Variants in RIMS2 observed in about 807,000 individuals in gnomAD.
The protein encoded by RIMS2 is regulating synaptic membrane exocytosis 2, also known as regulating synaptic membrane exocytosis protein 2.
Under a neutral mutation model 174.4 loss-of-function variants are expected in RIMS2, and 59 were observed. The ratio of observed to expected loss-of-function variants is 0.34; its 90% CI spans 0.27 to 0.42. RIMS2 has a LOEUF of 0.42. RIMS2 is among the 10% of genes least tolerant of loss of function. RIMS2 has a pLI of 1.00. For missense variants in RIMS2, 1,620 were observed against 1,666.3 expected (o/e 0.97, Z 0.48); for synonymous variants, 606 against 572.5 (o/e 1.06, Z -0.84).
At chr8:103,503,701 G>C (rs931655417) in intron 1 of RIMS2, among the ~76,000 whole-genome samples, 3 of 151,972 alleles carry the variant, frequency 2.0e-5, no homozygotes, top group African/African-American at 7.2e-5. Context: ...TGCATGATCT[G>C]TGAGTTTCAA....
intron 1 of RIMS2, among the ~76,000 whole-genome samples, chr8:103,691,698 AGTTT>A (rs1246975618): frequency 6.6e-6 from 1 of 151,972 alleles, no homozygotes; most frequent in African/African-American, 2.4e-5. Flanking sequence ...TGCCTTACTT[AGTTT>A]GTTTGGTGTG....
chr8:104,136,526 A>T (rs563560063), intron 19 of RIMS2, among the ~76,000 whole-genome samples: 1 of 152,344 alleles, frequency 6.6e-6, no homozygotes, highest in South Asian at 2.1e-4. Context: ...ATAATAAATC[A>T]GTCTCTTCAT....
At chr8:104,202,889 T>C (rs948220488) in intron 19 of RIMS2, among the ~76,000 whole-genome samples, 10 of 152,158 alleles carry the variant, frequency 6.6e-5, no homozygotes, top group African/African-American at 2.4e-4. Flanking sequence ...TCCAGTTAAG[T>C]AGGAATAAGT....
chr8:104,218,533 A>G (rs942981810), intron 19 of RIMS2, among the ~76,000 whole-genome samples: 1 of 152,122 alleles, frequency 6.6e-6, no homozygotes, highest in Non-Finnish European at 1.5e-5. Context: ...TTATTATTAC[A>G]TTGTTGTATA....
At chr8:103,754,017 T>A (rs2097936975) in intron 2 of RIMS2, among the ~76,000 whole-genome samples, 1 of 152,340 alleles carries the variant, frequency 6.6e-6, no homozygotes, top group African/African-American at 2.4e-5. Context: ...TTAATTGTGA[T>A]GTTAGGGTGT....
chr8:103,778,876 G>A (rs1177923399), intron 3 of RIMS2, among the ~76,000 whole-genome samples: 2 of 152,056 alleles, frequency 1.3e-5, no homozygotes, highest in Non-Finnish European at 2.9e-5. Context: ...CCAAGTGTAT[G>A]AGAGTTCTCC....
intron 3 of RIMS2, among the ~76,000 whole-genome samples, chr8:103,864,778 G>A (rs1167224333): frequency 6.6e-6 from 1 of 152,060 alleles, no homozygotes; most frequent in African/African-American, 2.4e-5. Context: ...AACAGTCATA[G>A]AGTTAGAGCA....
chr8:104,054,936 C>T (rs62528381), intron 19 of RIMS2, among the ~76,000 whole-genome samples: 27,465 of 151,940 alleles, frequency 0.18, 2,780 homozygotes, highest in South Asian at 0.35. Flanking sequence ...TAATACTTTT[C>T]ATTTAGTAAT....
At chr8:103,547,205 T>A (rs192523540) in intron 1 of RIMS2, among the ~76,000 whole-genome samples, 1 of 152,284 alleles carries the variant, frequency 6.6e-6, no homozygotes, top group Non-Finnish European at 1.5e-5. Context: ...AAAGAAAAAG[T>A]GAGAAGAACA....
intron 3 of RIMS2, among the ~76,000 whole-genome samples, chr8:103,883,848 G>A (rs2099184012): frequency 6.6e-6 from 1 of 151,820 alleles, no homozygotes; most frequent in South Asian, 2.1e-4. Flanking sequence ...CCCTGATGCT[G>A]TAGGTGGTAC....
chr8:104,010,941 T>C (rs1259470649), intron 17 of RIMS2, among the ~76,000 whole-genome samples: 1 of 152,178 alleles, frequency 6.6e-6, no homozygotes, highest in South Asian at 2.1e-4. Flanking sequence ...AAGTGGGCCC[T>C]AAAATATTTT....
chr8:103,967,777 T>C (rs185251037), intron 15 of RIMS2, among the ~76,000 whole-genome samples: 3 of 152,160 alleles, frequency 2.0e-5, no homozygotes, highest in Admixed American at 2.0e-4. Flanking sequence ...CTTTATAGAA[T>C]GTCCTTCTTT....
At chr8:103,774,302 T>C (rs987999542) in intron 3 of RIMS2, among the ~76,000 whole-genome samples, 1 of 152,180 alleles carries the variant, frequency 6.6e-6, no homozygotes, top group Non-Finnish European at 1.5e-5. Context: ...ACTTTCCCAA[T>C]GACACAGCAG....
intron 19 of RIMS2, among the ~76,000 whole-genome samples, chr8:104,169,494 A>G (rs2098819641): frequency 6.6e-6 from 1 of 151,450 alleles, no homozygotes; most frequent in Admixed American, 6.6e-5. Context: ...AGCCTTCAGT[A>G]ATCTTTAGTA....
intron 1 of RIMS2, among the ~76,000 whole-genome samples, chr8:103,508,012 A>G (rs1245002141): frequency 6.6e-6 from 1 of 152,158 alleles, no homozygotes; most frequent in Admixed American, 6.5e-5. Context: ...TGTCAGACTA[A>G]TCTTACTAGT....
intron 2 of RIMS2, among the ~76,000 whole-genome samples, chr8:103,751,216 G>A (rs1190627958): frequency 1.3e-5 from 2 of 152,082 alleles, no homozygotes; most frequent in Non-Finnish European, 2.9e-5. Context: ...TTGTCCTTGC[G>A]ATAGTTTACT....
chr8:104,254,921 C>A (rs1412762179), downstream of RIMS2: 2 of 152,188 alleles, frequency 1.3e-5, no homozygotes, highest in Non-Finnish European at 1.5e-5. Context: ...ATGTAACAAC[C>A]TGTCCGGAGA....
At chr8:104,227,894 T>G (rs568289595) in intron 19 of RIMS2, among the ~76,000 whole-genome samples, 1 of 152,104 alleles carries the variant, frequency 6.6e-6, no homozygotes, top group South Asian at 2.1e-4. Context: ...AGCTTTAAAA[T>G]CACCAGAAAA....
At chr8:103,726,647 A>C (rs2138675200) in intron 2 of RIMS2, among the ~76,000 whole-genome samples, 1 of 149,890 alleles carries the variant, frequency 6.7e-6, no homozygotes, top group East Asian at 1.9e-4. Context: ...CAAAATTAGA[A>C]TGTTTTTGAT....
Sources: gnomAD v4.1 joint callset for allele counts (sites outside exome capture counted in the v4.1 genomes callset) on GRCh38, gnomAD v4.1.1 for gene constraint, MANE v1.5 for transcripts, NCBI Gene and HGNC (gene_info 2026-07-23, HGNC 2026-07-21) for gene names.